NEGR1: variants seen among roughly 807,000 people sequenced by gnomAD.
The protein encoded by NEGR1 is IgLON family member 4.
A neutral mutation model predicts 40.9 loss-of-function variants in NEGR1; 10 were observed. The observed-to-expected ratio is 0.24, with a 90% CI of 0.15 to 0.42. NEGR1 has a LOEUF of 0.42. Among genes scored for constraint, NEGR1 ranks in the 10% least tolerant of loss-of-function variants. The pLI is 1.00. For synonymous variants in NEGR1, 185 were observed against 166.8 expected, an observed-to-expected ratio of 1.11 and a Z score of -0.84; for missense variants, 352 against 438.9, an observed-to-expected ratio of 0.80 and a Z score of 1.77.
intron 4 of NEGR1, among the ~76,000 whole-genome samples, chr1:71,637,019 G>C (rs971403934): frequency 3.3e-5 from 5 of 152,006 alleles, no homozygotes; most frequent in African/African-American, 1.2e-4. Flanking sequence ...AAAATTTATG[G>C]TATGAAGAGG....
intron 2 of NEGR1, among the ~76,000 whole-genome samples, chr1:71,873,118 CAA>C (rs34592789): frequency 6.1e-5 from 5 of 81,830 alleles, no homozygotes; most frequent in Non-Finnish European, 9.6e-5. Flanking sequence ...AAAGATGTAG[CAA>C]AAAAAAAAAA....
At chr1:71,440,787 A>G (rs1646541976) in intron 6 of NEGR1, among the ~76,000 whole-genome samples, 1 of 152,242 alleles carries the variant, frequency 6.6e-6, no homozygotes, top group Non-Finnish European at 1.5e-5. Flanking sequence ...TCTGTCATTG[A>G]AATTAAAATT....
chr1:72,205,756 CAAA>C (rs35490878), intron 1 of NEGR1, among the ~76,000 whole-genome samples: 4 of 30,892 alleles, frequency 1.3e-4, no homozygotes, highest in African/African-American at 2.1e-4. Context: ...CCCATTTCTA[CAAA>C]AAAAAAAAAA....
chr1:71,995,761 A>G (rs1402627399), intron 1 of NEGR1, among the ~76,000 whole-genome samples: 1 of 152,204 alleles, frequency 6.6e-6, no homozygotes, highest in Non-Finnish European at 1.5e-5. Flanking sequence ...GCCAAAGGCA[A>G]TCAACATTTT....
chr1:71,802,728 C>T (rs1327243170), intron 2 of NEGR1, among the ~76,000 whole-genome samples: 2 of 152,134 alleles, frequency 1.3e-5, no homozygotes, highest in Non-Finnish European at 2.9e-5. Flanking sequence ...TGGCTTGGGA[C>T]TCATCATGTC....
At chr1:71,862,834 C>T (rs1659991208) in intron 2 of NEGR1, among the ~76,000 whole-genome samples, 1 of 152,004 alleles carries the variant, frequency 6.6e-6, no homozygotes, top group Non-Finnish European at 1.5e-5. Flanking sequence ...GCAGCCAACA[C>T]ACATATGAAA....
intron 6 of NEGR1, among the ~76,000 whole-genome samples, chr1:71,434,984 G>C (rs1243025076): frequency 6.6e-6 from 1 of 151,916 alleles, no homozygotes; most frequent in South Asian, 2.1e-4. Flanking sequence ...CCAGCTACTC[G>C]GGAGGCTGAG....
At chr1:71,604,839 C>T (rs939629562) in intron 5 of NEGR1, among the ~76,000 whole-genome samples, 3 of 152,052 alleles carry the variant, frequency 2.0e-5, no homozygotes, top group Non-Finnish European at 4.4e-5. Flanking sequence ...TTTTCTATAG[C>T]AGTGTTATAA....
At chr1:72,192,742 T>C (rs999206429) in intron 1 of NEGR1, among the ~76,000 whole-genome samples, 1 of 151,888 alleles carries the variant, frequency 6.6e-6, no homozygotes. Context: ...TTCTAGATGT[T>C]ATTTTACCTA....
chr1:71,688,345 G>T (rs2422027), intron 4 of NEGR1, among the ~76,000 whole-genome samples: 1,435 of 45,880 alleles, frequency 0.031, 57 homozygotes, highest in Middle Eastern at 0.058. Flanking sequence ...TAGATAGATA[G>T]ATAGATAGAT....
chr1:71,981,588 A>C (rs1192503142), intron 1 of NEGR1, among the ~76,000 whole-genome samples: 1 of 152,196 alleles, frequency 6.6e-6, no homozygotes, highest in African/African-American at 2.4e-5. Context: ...TGAAAGAAGC[A>C]GCAGAGAACA....
At chr1:71,601,369 A>G (rs531646942) in intron 5 of NEGR1, among the ~76,000 whole-genome samples, 2 of 152,372 alleles carry the variant, frequency 1.3e-5, no homozygotes, top group South Asian at 4.1e-4. Context: ...CATGACTGGT[A>G]GAAATGCAAA....
At chr1:71,699,903 C>A (rs533617398) in intron 3 of NEGR1, among the ~76,000 whole-genome samples, 3 of 151,836 alleles carry the variant, frequency 2.0e-5, no homozygotes, top group Non-Finnish European at 4.4e-5. Context: ...TTTGCTTCCT[C>A]CTCTTTTTTC....
At chr1:72,089,358 C>T (rs1379163598) in intron 1 of NEGR1, among the ~76,000 whole-genome samples, 12 of 152,104 alleles carry the variant, frequency 7.9e-5, no homozygotes, top group African/African-American at 2.7e-4. Flanking sequence ...TTAATACGTT[C>T]AATATGCTTA....
At chr1:72,011,684 T>C (rs747487344) in intron 1 of NEGR1, among the ~76,000 whole-genome samples, 7 of 152,100 alleles carry the variant, frequency 4.6e-5, no homozygotes, top group Non-Finnish European at 1.0e-4. Context: ...GAAGTAATAG[T>C]GTGAAAAGGA....
At chr1:72,237,493 A>G (rs1654588882) in intron 1 of NEGR1, among the ~76,000 whole-genome samples, 1 of 151,936 alleles carries the variant, frequency 6.6e-6, no homozygotes, top group South Asian at 2.1e-4. Flanking sequence ...TTCTCCCAAA[A>G]TGCTCCACCT....
chr1:71,755,085 T>C (rs147150332), intron 3 of NEGR1, among the ~76,000 whole-genome samples: 4 of 152,332 alleles, frequency 2.6e-5, no homozygotes, highest in South Asian at 2.1e-4. Flanking sequence ...ACAATTAACA[T>C]AGCAAAACAG....
rs1441679907 is a variant in NEGR1 at position 72,141,802 on chromosome 1, C to G, written c.176+140517G>C. On this transcript the variant is annotated intron_variant, in intron 1 of 6. Coordinates refer to ENST00000357731, the MANE Select transcript of NEGR1 (RefSeq NM_173808.3). The stretch of plus-strand genomic sequence containing the variant: ...AGGACAAAAGCAGAAAGTCTTTTCT[C>G]TAATGCACTGTGCCTTGTAGTTTAT... Among the ~76,000 whole-genome samples the G allele has an allele frequency of 3.9e-5, 6 of 151,940 alleles. 1 individual carries two copies. The highest frequency in any genetic ancestry group is 2.9e-5 in the Non-Finnish European group (2 of 67,920).
chr1:71,676,154 T>C (rs936860107), intron 4 of NEGR1, among the ~76,000 whole-genome samples: 5 of 152,152 alleles, frequency 3.3e-5, no homozygotes, highest in African/African-American at 1.2e-4. Flanking sequence ...TAATTAATCT[T>C]ATTTGGGAAG....
Sources: gnomAD v4.1 joint callset for allele counts (sites outside exome capture counted in the v4.1 genomes callset) on GRCh38, gnomAD v4.1.1 for gene constraint, MANE v1.5 for transcripts, NCBI Gene and HGNC (gene_info 2026-07-23, HGNC 2026-07-21) for gene names.